Variants in ESRRG observed in about 807,000 individuals in gnomAD.
ESRRG encodes estrogen related receptor gamma.
A neutral mutation model predicts 44.0 loss-of-function variants in ESRRG; 13 were observed. That is an observed-to-expected ratio of 0.30 (90% CI 0.19 to 0.47). ESRRG has a LOEUF of 0.47. ESRRG is among the 20% of genes least tolerant of loss of function. The pLI is 1.00. For missense variants in ESRRG, 395 were observed against 580.6 expected (o/e 0.68, Z 3.29); for synonymous variants, 215 against 214.6 (o/e 1.00, Z -0.02).
chr1:216,959,678 C>A (rs1238388356), intron 1 of ESRRG: 2 of 152,066 alleles, frequency 1.3e-5, no homozygotes, highest in East Asian at 1.9e-4. Context: ...CAAAGCAAGA[C>A]CCTGTCTCTA....
At chr1:217,121,183 G>A (rs1410446069) in intron 1 of ESRRG, among the ~76,000 whole-genome samples, 2 of 151,882 alleles carry the variant, frequency 1.3e-5, no homozygotes, top group Non-Finnish European at 2.9e-5. Flanking sequence ...CACATGAGCA[G>A]ATACAAAAAG....
rs145460782 is a variant in ESRRG at position 216,595,931 on chromosome 1, G to A, written c.590-27833C>T. On this transcript the variant is annotated intron_variant, in intron 3 of 6. Transcript: ENST00000408911. Reference sequence around the variant, plus strand: ...TTAGCAGTGTAGAAGAAAAGACAAGGGTTTATTGCCATGTTTCATATGCAT... The same window carrying A: ...TTAGCAGTGTAGAAGAAAAGACAAGAGTTTATTGCCATGTTTCATATGCAT... Among the ~76,000 whole-genome samples, 242 of 152,216 alleles carry A rather than the reference G, an allele frequency of 1.6e-3. 1 individual carries two copies. Among genetic ancestry groups the A allele is most frequent in the African/African-American group, 5.6e-3 (233 of 41,538 alleles).
intron 1 of ESRRG, among the ~76,000 whole-genome samples, chr1:217,054,762 C>CA (rs113335062): frequency 0.013 from 1,814 of 145,096 alleles, 27 homozygotes; most frequent in African/African-American, 0.042. Flanking sequence ...GAAGAAAGGT[C>CA]AAAAAAAAAA....
intron 1 of ESRRG, among the ~76,000 whole-genome samples, chr1:217,011,065 C>A (rs893056735): frequency 4.6e-5 from 7 of 152,148 alleles, no homozygotes; most frequent in African/African-American, 1.7e-4. Flanking sequence ...ACCAAGGTTA[C>A]CACCAAACGC....
At chr1:216,548,539 AACCTTCACATACATTTGACACCTTGAC>A (rs1289689120) in intron 5 of ESRRG, among the ~76,000 whole-genome samples, 1 of 152,050 alleles carries the variant, frequency 6.6e-6, no homozygotes, top group East Asian at 1.9e-4. Context: ...CTAGTAATTA[AACCTTCACATACATTTGACACCTTGAC>A]ACCTTCCCAT....
At chr1:216,676,020 G>A (rs1481774295) in intron 2 of ESRRG, among the ~76,000 whole-genome samples, 1 of 152,144 alleles carries the variant, frequency 6.6e-6, no homozygotes, top group East Asian at 1.9e-4. Flanking sequence ...TGGGAAGATA[G>A]ACTTTGTGTC....
intron 1 of ESRRG, among the ~76,000 whole-genome samples, chr1:216,980,004 C>T (rs1459597781): frequency 6.6e-6 from 1 of 152,100 alleles, no homozygotes; most frequent in African/African-American, 2.4e-5. Context: ...CACTGCTAAA[C>T]CTAAGGACTC....
intron 1 of ESRRG, among the ~76,000 whole-genome samples, chr1:216,710,973 C>T (rs1311531196): frequency 6.6e-6 from 1 of 152,180 alleles, no homozygotes; most frequent in African/African-American, 2.4e-5. Context: ...CGATGCCCAC[C>T]CTTCTCGTTG....
intron 1 of ESRRG, among the ~76,000 whole-genome samples, chr1:216,994,836 C>T (rs1200298632): frequency 6.6e-6 from 1 of 152,078 alleles, no homozygotes; most frequent in African/African-American, 2.4e-5. Context: ...CCACCCACCT[C>T]GGCCTCTCAA....
At chr1:216,919,968 C>T (rs10863278) in intron 2 of ESRRG, among the ~76,000 whole-genome samples, 31,259 of 152,092 alleles carry the variant, frequency 0.21, 4,017 homozygotes, top group Middle Eastern at 0.29. Context: ...GAAATGGTGG[C>T]AGATGCCAGG....
intron 1 of ESRRG, among the ~76,000 whole-genome samples, chr1:217,114,239 G>T (rs17045271): frequency 0.073 from 11,113 of 151,748 alleles, 488 homozygotes; most frequent in East Asian, 0.22. Context: ...CTTGTTGTGG[G>T]CCTTAGAGGT....
chr1:216,689,058 TATA>T (rs1290005279), intron 1 of ESRRG, among the ~76,000 whole-genome samples: 2 of 152,186 alleles, frequency 1.3e-5, no homozygotes, highest in African/African-American at 4.8e-5. Flanking sequence ...TCTTAGCCAA[TATA>T]ATAACTGGCA....
upstream of ESRRG, among the ~76,000 whole-genome samples, chr1:216,726,174 C>T (rs1252783333): frequency 6.6e-6 from 1 of 152,304 alleles, no homozygotes; most frequent in Middle Eastern, 3.4e-3. Flanking sequence ...ACGCAAGGTG[C>T]AGTGTTCACT....
At chr1:216,546,285 T>C (rs75477392) in intron 5 of ESRRG, among the ~76,000 whole-genome samples, 21,673 of 152,054 alleles carry the variant, frequency 0.14, 2,304 homozygotes, top group African/African-American at 0.3. Flanking sequence ...TAAAACATTT[T>C]CCTTCCTAAA....
chr1:217,031,775 G>T (rs144741714), intron 1 of ESRRG, among the ~76,000 whole-genome samples: 2 of 152,316 alleles, frequency 1.3e-5, no homozygotes, highest in Non-Finnish European at 2.9e-5. Context: ...GGTTTCATTA[G>T]GGGCTTCCCG....
At chr1:216,941,155 C>T (rs1254293449) in intron 1 of ESRRG, among the ~76,000 whole-genome samples, 1 of 152,048 alleles carries the variant, frequency 6.6e-6, no homozygotes, top group Non-Finnish European at 1.5e-5. Context: ...AGATAAGAGC[C>T]TGTTAAAAAG....
chr1:217,099,986 A>G lies in ESRRG; in HGVS notation c.-230+37681T>C, dbSNP rs896754880. ...TCCGTTACATTTTCTTTTTATCCAG[A>G]AAAAAAAAAAAACGCATTTGTGAAG... is the stretch of plus-strand genomic sequence containing the variant. On this transcript the variant is annotated intron_variant, in intron 1 of 8. Transcript: ENST00000366940. Among the ~76,000 whole-genome samples, 8 of 79,992 alleles carry G rather than the reference A, an allele frequency of 1.0e-4. No homozygotes were observed. The East Asian group carries it at 1.5e-3, about 15-fold the overall frequency. The allele number at this position is 79,992 out of a possible 152,430, so 52.5% of individuals were successfully genotyped here.
rs566427730 is a variant in ESRRG, at chr1:216,514,080, G to A, written c.1132+5072C>T. 3.1e-3 allele frequency among the ~76,000 whole-genome samples: 465 copies of A among 152,150 alleles called. 5 individuals are homozygous for A. The highest frequency in any genetic ancestry group is 0.011 in the African/African-American group (439 of 41,524). On this transcript the variant is annotated intron_variant, in intron 6 of 6. Transcript: ENST00000408911. ...TACCTTTGGAAGGCCAAAGCTATTT[G>A]CAGCAAATATTTCTGATACTATGCC...
chr1:217,122,708 T>C (rs1267361595), intron 1 of ESRRG, among the ~76,000 whole-genome samples: 3 of 149,848 alleles, frequency 2.0e-5, no homozygotes, highest in Admixed American at 6.7e-5. Context: ...TTCACTTTTG[T>C]TGCCCAGGCT....
Sources: gnomAD v4.1 joint callset for allele counts (sites outside exome capture counted in the v4.1 genomes callset) on GRCh38, gnomAD v4.1.1 for gene constraint, MANE v1.5 for transcripts, NCBI Gene and HGNC (gene_info 2026-07-23, HGNC 2026-07-21) for gene names.